The following AUTS2 variants were observed in gnomAD, a reference collection of about 807,000 sequenced individuals.
AUTS2 encodes the protein activator of transcription and developmental regulator AUTS2.
Under a neutral mutation model 112.4 loss-of-function variants are expected in AUTS2, and 17 were observed. The ratio of observed to expected loss-of-function variants is 0.15; its 90% CI spans 0.10 to 0.23. AUTS2 has a LOEUF of 0.23. Among genes scored for constraint, AUTS2 ranks in the 10% least tolerant of loss-of-function variants. AUTS2 has a pLI of 1.00. For synonymous variants in AUTS2, 751 were observed against 702.7 expected, an observed-to-expected ratio of 1.07 and a Z score of -1.09; for missense variants, 1,510 against 1,701.6, an observed-to-expected ratio of 0.89 and a Z score of 1.98.
intron 4 of AUTS2, among the ~76,000 whole-genome samples, chr7:70,169,873 A>G (rs995724389): frequency 1.3e-5 from 2 of 152,008 alleles, no homozygotes; most frequent in Non-Finnish European, 2.9e-5. Context: ...GGGGTTGGCA[A>G]ATTCTAGATA....
chr7:70,653,546 C>A (rs995001522), intron 5 of AUTS2, among the ~76,000 whole-genome samples: 6 of 152,232 alleles, frequency 3.9e-5, no homozygotes, highest in African/African-American at 7.2e-5. Context: ...ACTGCTTTCT[C>A]ACTTTCCTCA....
intron 1 of AUTS2, among the ~76,000 whole-genome samples, chr7:69,650,632 A>G (rs1188661409): frequency 2.0e-5 from 3 of 152,236 alleles, no homozygotes; most frequent in Non-Finnish European, 4.4e-5. Flanking sequence ...ATTTCGAGAC[A>G]GTGATGGTAG....
chr7:70,152,149 A>T (rs181211415), intron 4 of AUTS2, among the ~76,000 whole-genome samples: 3 of 152,196 alleles, frequency 2.0e-5, no homozygotes, highest in Non-Finnish European at 4.4e-5. Context: ...ACATGAAAAG[A>T]TTAGAGAATT....
At chr7:70,506,042 A>T (rs923417453) in intron 5 of AUTS2, among the ~76,000 whole-genome samples, 2 of 152,144 alleles carry the variant, frequency 1.3e-5, no homozygotes, top group Admixed American at 1.3e-4. Flanking sequence ...CTTGTTTGAG[A>T]TCATCTCAGG....
intron 1 of AUTS2, among the ~76,000 whole-genome samples, chr7:69,618,595 T>C (rs1793498555): frequency 6.6e-6 from 1 of 152,160 alleles, no homozygotes; most frequent in South Asian, 2.1e-4. Context: ...GAATGTAAAA[T>C]CATCTTTTTA....
intron 5 of AUTS2, among the ~76,000 whole-genome samples, chr7:70,542,554 G>A (rs1265659125): frequency 3.3e-5 from 5 of 152,214 alleles, no homozygotes; most frequent in South Asian, 2.1e-4. Context: ...AGGCACTGGC[G>A]CAGGCCAGCT....
intron 2 of AUTS2, among the ~76,000 whole-genome samples, chr7:69,957,119 G>C (rs1178907171): frequency 1.4e-5 from 2 of 147,726 alleles, no homozygotes; most frequent in Non-Finnish European, 3.0e-5. Flanking sequence ...GAAGCAATTC[G>C]CCTGCCTTGG....
intron 4 of AUTS2, among the ~76,000 whole-genome samples, chr7:70,262,029 T>C (rs1156795594): frequency 6.6e-6 from 1 of 152,242 alleles, no homozygotes; most frequent in Non-Finnish European, 1.5e-5. Flanking sequence ...TAAAGCATTT[T>C]AAGATGTAGT....
chr7:70,511,487 C>G (rs548819237), intron 5 of AUTS2, among the ~76,000 whole-genome samples: 3 of 151,502 alleles, frequency 2.0e-5, no homozygotes, highest in Admixed American at 2.0e-4. Flanking sequence ...GGGACAGCCC[C>G]AACTTCTATA....
intron 2 of AUTS2, among the ~76,000 whole-genome samples, chr7:70,063,157 A>T (rs1272082235): frequency 6.6e-6 from 1 of 152,064 alleles, no homozygotes; most frequent in Non-Finnish European, 1.5e-5. Flanking sequence ...AACATTTCCA[A>T]GTGGGACTTG....
At chr7:69,621,891 CT>C (rs989962484) in intron 1 of AUTS2, among the ~76,000 whole-genome samples, 15 of 148,552 alleles carry the variant, frequency 1.0e-4, no homozygotes, top group African/African-American at 2.5e-4. Context: ...TATGGAAGGG[CT>C]TTTTTTTTTC....
At chr7:70,001,286 T>C (rs888972321) in intron 2 of AUTS2, among the ~76,000 whole-genome samples, 2 of 152,078 alleles carry the variant, frequency 1.3e-5, no homozygotes, top group African/African-American at 4.8e-5. Context: ...CCACCACGCC[T>C]ATCTAATTTT....
intron 4 of AUTS2, among the ~76,000 whole-genome samples, chr7:70,351,389 C>T (rs1791755678): frequency 6.6e-6 from 1 of 152,124 alleles, no homozygotes; most frequent in African/African-American, 2.4e-5. Context: ...TATATGTGTA[C>T]ACACACACTA....
intron 6 of AUTS2, among the ~76,000 whole-genome samples, chr7:70,760,950 TG>T (rs1369978242): frequency 1.1e-4 from 16 of 152,268 alleles, no homozygotes; most frequent in Admixed American, 2.0e-4. Flanking sequence ...TGTTCCAGGC[TG>T]TTTGGAGAGA....
chr7:70,665,981 G>T (rs1465439460), intron 5 of AUTS2, among the ~76,000 whole-genome samples: 6 of 152,134 alleles, frequency 3.9e-5, no homozygotes, highest in African/African-American at 1.4e-4. Flanking sequence ...CATCAAGAAG[G>T]GCTCCACTGG....
chr7:69,996,964 A>AG (rs1798974063), intron 2 of AUTS2, among the ~76,000 whole-genome samples: 11 of 147,884 alleles, frequency 7.4e-5, no homozygotes. Context: ...AAAAAAAAAA[A>AG]GCAAACTCCA....
At chr7:70,539,058 G>A (rs1023744301) in intron 5 of AUTS2, among the ~76,000 whole-genome samples, 2 of 152,168 alleles carry the variant, frequency 1.3e-5, no homozygotes, top group South Asian at 2.1e-4. Flanking sequence ...GGAGGGGACC[G>A]AATAGTGAGA....
chr7:70,570,741 TCTTCTGTGAC>T (rs1801904005), intron 5 of AUTS2, among the ~76,000 whole-genome samples: 1 of 152,220 alleles, frequency 6.6e-6, no homozygotes. Context: ...CTCCTCCCTC[TCTTCTGTGAC>T]CTTACTGCAT....
chr7:69,659,097 C>T (rs1795671776), intron 1 of AUTS2, among the ~76,000 whole-genome samples: 1 of 152,162 alleles, frequency 6.6e-6, no homozygotes, highest in African/African-American at 2.4e-5. Context: ...GAGACAGTGT[C>T]TTTAAAATGA....
Sources: allele counts gnomAD v4.1 joint callset (sites outside exome capture counted in the v4.1 genomes callset), GRCh38; gene constraint gnomAD v4.1.1; transcripts MANE v1.5; gene names NCBI Gene and HGNC (gene_info 2026-07-23, HGNC 2026-07-21).